Variants in ADAR observed in about 807,000 individuals in gnomAD.
ADAR encodes adenosine deaminase RNA specific, also known as double-stranded RNA-specific adenosine deaminase.
Under a neutral mutation model 113.2 loss-of-function variants are expected in ADAR, and 41 were observed. The ratio of observed to expected loss-of-function variants is 0.36; its 90% CI spans 0.28 to 0.47. The LOEUF is 0.47. Among genes scored for constraint, ADAR ranks in the 20% least tolerant of loss-of-function variants. The pLI is 1.00. For synonymous variants in ADAR, 605 were observed against 572.6 expected, an observed-to-expected ratio of 1.06 and a Z score of -0.81; for missense variants, 1,242 against 1,540.9, an observed-to-expected ratio of 0.81 and a Z score of 3.25.
chr1:154,589,993 G>C (rs1353576940), intron 7 of ADAR, 65 bp from the exon 8 acceptor site: 2 of 1,597,684 alleles, frequency 1.3e-6, no homozygotes, highest in African/African-American at 2.7e-5. Flanking sequence ...ATTCACCGTG[G>C]GCAGGGAGAT....
intron 1 of ADAR, among the ~76,000 whole-genome samples, chr1:154,607,170 G>GC (rs1698246467): frequency 6.7e-6 from 1 of 149,090 alleles, no homozygotes; most frequent in South Asian, 2.1e-4. Context: ...TATAACTGTG[G>GC]TTTTTTTTTT....
chr1:154,601,746 A>T lies in ADAR; in HGVS notation c.896T>A (p.Ile299Asn), dbSNP rs1464104788. 1.2e-6 allele frequency: 2 copies of T among 1,614,064 alleles called. No homozygotes were observed. The highest frequency in any genetic ancestry group is 1.7e-6 in the Non-Finnish European group (2 of 1,180,044). ...GAGATAGTCGCAGATTTTCTCCTTG[A>T]TCTCGGCCATGTCTAAAAACTCAAG... is the stretch of plus-strand genomic sequence containing the variant. Reference protein sequence around the residue: ...DPLEFLDMAEIKEKICDYLFN... With the variant: ...DPLEFLDMAENKEKICDYLFN... Residue 299 changes from isoleucine to asparagine, a missense_variant, in exon 2 of 15, where the codon ATC becomes AAC. By Grantham distance (149) the Ile-to-Asn change is moderately radical (BLOSUM62 -3). This residue lies in a region of ADAR where 462 missense variants were observed against 483.1 expected (regional missense o/e 0.96). Transcript: ENST00000368474. The surrounding 1 kb of genome is among the most constrained non-coding windows in gnomAD (Gnocchi z 4.7).
intron 1 of ADAR, among the ~76,000 whole-genome samples, chr1:154,623,532 A>C (rs978061061): frequency 6.6e-6 from 1 of 152,146 alleles, no homozygotes; most frequent in Non-Finnish European, 1.5e-5. Context: ...CCATCCCATA[A>C]GGTTATGGAC....
At chr1:154,619,740 A>G (rs757523846) in intron 1 of ADAR, among the ~76,000 whole-genome samples, 19 of 152,222 alleles carry the variant, frequency 1.2e-4, no homozygotes, top group Non-Finnish European at 2.4e-4. Context: ...TAAAACCACA[A>G]TGGGATGCCG....
Position 154,582,186 on chromosome 1 carries a change from T to C in ADAR, c.*2620A>G, listed in dbSNP as rs1696448746. ...TGCAGCCATCATCACAGTACCCGAG[T>C]CTATGCTTGGGGGTCTTCCTCACTC... On this transcript the variant is annotated 3_prime_UTR_variant, in exon 15 of 15. Coordinates refer to ENST00000368474, the MANE Select transcript of ADAR (RefSeq NM_001111.5). The C allele has an allele frequency of 6.6e-6, 1 of 152,110 alleles. No homozygotes were observed. The highest frequency in any genetic ancestry group is 1.5e-5 in the Non-Finnish European group (1 of 67,962). The allele number at this position is 152,110 out of a possible 1,614,324, so 9.4% of individuals were successfully genotyped here. A position where few individuals can be genotyped will look rare whatever the true frequency, so the allele number is the denominator to read the frequency against.
chr1:154,618,952 A>G (rs918536214), intron 1 of ADAR, among the ~76,000 whole-genome samples: 1 of 152,192 alleles, frequency 6.6e-6, no homozygotes, highest in African/African-American at 2.4e-5. Flanking sequence ...TCTACTAAAA[A>G]TACAAACATT....
chr1:154,598,038 G>A, intron 3 of ADAR, 62 bp from the exon 4 acceptor site: 1 of 1,560,782 alleles, frequency 6.4e-7, no homozygotes, highest in Non-Finnish European at 8.7e-7. Flanking sequence ...GTCCATCACA[G>A]AAGAAGGGAT....
chr1:154,585,789 A>G lies in ADAR; in HGVS notation c.3279T>C (p.Asp1093=). The G allele has an allele frequency of 6.2e-7, 1 of 1,614,054 alleles. No homozygotes were observed. Among genetic ancestry groups the G allele is most frequent in the Non-Finnish European group, 8.5e-7 (1 of 1,179,898 alleles). The stretch of plus-strand genomic sequence containing the variant: ...TGACAATAAAGGGATGTCGTAGTCC[A>G]TCCTCAAATGCACTCCCATCTCTTG... ...RVTRDGSAFE[D]GLRHPFIVNH... is the part of the protein sequence containing the mutation. The change falls in exon 13 of 15, where the codon GAT becomes GAC. Residue 1093 remains aspartate (D), a synonymous_variant. Coordinates refer to ENST00000368474, the MANE Select transcript of ADAR (RefSeq NM_001111.5).
In ADAR at chr1:154,601,308, C is replaced by A; in HGVS notation, c.1334G>T (p.Gly445Val). ...CTGGCCATTTTCAAAGTCAACATAC[C>A]CTGCTTTTGAGGGGCCATTGTAATG... Reference protein sequence around the residue: ...PVHYNGPSKAGYVDFENGQWA... With the variant: ...PVHYNGPSKAVYVDFENGQWA... The change falls in exon 2 of 15, where the codon GGG (glycine) becomes GTG (valine). Residue 445 changes from glycine to valine, a missense_variant. Physicochemically the swap from Gly to Val is moderately radical, Grantham distance 109 (BLOSUM62 -3). Around this residue, in one of 2 missense-constraint regions of ADAR, gnomAD observed 780 missense variants for 1,057.9 expected, o/e 0.74. Transcript: ENST00000368474. This position sits in a 1 kb window ranked among gnomAD's most constrained non-coding sequence, Gnocchi z 4.7. The A allele has an allele frequency of 6.2e-7, 1 of 1,614,164 alleles. No homozygotes were observed. Among genetic ancestry groups the A allele is most frequent in the Non-Finnish European group, 8.5e-7 (1 of 1,180,034 alleles).
intron 2 of ADAR, 102 bp downstream of exon 2, chr1:154,600,939 T>C (rs1330630055): frequency 5.3e-6 from 8 of 1,501,440 alleles, no homozygotes; most frequent in Admixed American, 1.7e-5. Context: ...GAGGAAAAGA[T>C]AGGCGCCACC....
In ADAR at chr1:154,588,270, G is replaced by C. The variant is rs775018500; in HGVS notation, c.2886-12C>G. 1.9e-5 allele frequency: 31 copies of C among 1,613,678 alleles called. No homozygotes were observed. In the Admixed American group the frequency reaches 4.7e-4, roughly 24 times the overall value. On this transcript the variant is annotated splice_polypyrimidine_tract_variant and intron_variant, in intron 10 of 14. Transcript: ENST00000368474. ...CACACGGAGCAGTGCTGAAAAACAGGGGTGGCTGTTAAAACTCACCTGTGG... is the reference window on the plus strand; with the variant it reads ...CACACGGAGCAGTGCTGAAAAACAGCGGTGGCTGTTAAAACTCACCTGTGG...
chr1:154,584,501 T>A lies in ADAR; in HGVS notation c.*305A>T. 1 of 358,114 alleles carries A rather than the reference T, an allele frequency of 2.8e-6. No individual in the cohort carries two copies. The highest frequency in any genetic ancestry group is 5.1e-6 in the Non-Finnish European group (1 of 196,328). 22.2% of individuals were successfully genotyped at this position (358,114 alleles called of 1,614,324 possible). On this transcript the variant is annotated 3_prime_UTR_variant, in exon 15 of 15. Transcript: ENST00000368474. ...ATGGAAACAAATCAAAACAAAACTT[T>A]TAAGAGGAAATGGACCGCAGGTGCT...
chr1:154,585,168 C>T lies in ADAR; in HGVS notation c.3443+49G>A, dbSNP rs766763044. 3 of 1,614,126 alleles carry T rather than the reference C, an allele frequency of 1.9e-6. No homozygotes were observed. In the South Asian group the frequency reaches 3.3e-5, roughly 18 times the overall value. ...ACTGCAGAGGTATGATGCACCCTTG[C>T]AAGTCAGGGCAGAGGCTTGGTCCTC... On this transcript the variant is annotated intron_variant, in intron 14 of 14. Coordinates refer to ENST00000368474, the MANE Select transcript of ADAR (RefSeq NM_001111.5).
At chr1:154,620,850 CAG>C (rs1698773451) in intron 1 of ADAR, among the ~76,000 whole-genome samples, 1 of 152,038 alleles carries the variant, frequency 6.6e-6, no homozygotes, top group Admixed American at 6.6e-5. Context: ...AATCTGTGCA[CAG>C]AGATACACAT....
In ADAR at chr1:154,601,512, G is replaced by A; in HGVS notation, c.1130C>T (p.Pro377Leu). 1.9e-6 allele frequency: 3 copies of A among 1,613,896 alleles called. No homozygotes were observed. In the South Asian group the frequency reaches 3.3e-5, roughly 18 times the overall value. The change falls in exon 2 of 15, where the codon CCA becomes CTA. Residue 377 changes from proline to leucine, a missense_variant. Coordinates refer to ENST00000368474, the MANE Select transcript of ADAR (RefSeq NM_001111.5). This position sits in a 1 kb window ranked among gnomAD's most constrained non-coding sequence, Gnocchi z 4.7. ...RNTNSVPETA[P>L]AAIPETKRNA... ...TCTTTTGGTCTCAGGGATTGCAGCT[G>A]GAGCGGTTTCAGGAACACTGTTCGT...
chr1:154,588,729 T>C, intron 9 of ADAR, 56 bp from the exon 10 acceptor site: 2 of 1,611,322 alleles, frequency 1.2e-6, no homozygotes, highest in Non-Finnish European at 1.7e-6. Context: ...AAAGCAGTTG[T>C]TTCTATAATC....
At position 154,590,140 on chromosome 1, in the gene ADAR, G is replaced by A. The variant is rs762692738; in HGVS notation, c.2496+44C>T. 2.2e-6 allele frequency: 3 copies of A among 1,373,188 alleles called. No homozygotes were observed. In the South Asian group the frequency reaches 3.5e-5, roughly 16 times the overall value. The allele number at this position is 1,373,188 out of a possible 1,614,324, so 85.1% of individuals were successfully genotyped here. A position where few individuals can be genotyped will look rare whatever the true frequency, so the allele number is the denominator to read the frequency against. On this transcript the variant is annotated intron_variant, in intron 7 of 14. Transcript: ENST00000368474. ...GCCACCTCCACTTAGGAGTTAGGAG[G>A]ACCCCCCCGCCCCAAAAAAGGCACC...
chr1:154,598,055 G>T, intron 3 of ADAR, 79 bp from the exon 4 acceptor site: 1 of 1,504,512 alleles, frequency 6.6e-7, no homozygotes, highest in Non-Finnish European at 9.1e-7. Context: ...GGATGGGGAT[G>T]GGGGACTTTA....
chr1:154,616,773 A>T (rs756443982), intron 1 of ADAR, among the ~76,000 whole-genome samples: 1 of 152,234 alleles, frequency 6.6e-6, no homozygotes, highest in Non-Finnish European at 1.5e-5. Context: ...GAGACAGCCC[A>T]TAGCTTTCAG....
Sources: allele counts gnomAD v4.1 joint callset (sites outside exome capture counted in the v4.1 genomes callset), GRCh38; gene constraint gnomAD v4.1.1; regional missense constraint gnomAD v4.1.1; non-coding constraint Gnocchi (gnomAD v3.1); transcripts MANE v1.5; gene names NCBI Gene and HGNC (gene_info 2026-07-23, HGNC 2026-07-21).